The following MEGF11 variants were observed in gnomAD, a reference collection of about 807,000 sequenced individuals.
MEGF11 encodes multiple epidermal growth factor-like domains protein 11.
MEGF11 carries 126 observed loss-of-function variants against 146.6 expected under a neutral mutation model. That is an observed-to-expected ratio of 0.86 (90% CI 0.74 to 1.00). The LOEUF (loss-of-function observed/expected upper bound fraction) is 1.00. Ranked by LOEUF, MEGF11 falls within the 50% of genes least tolerant of loss-of-function variation. MEGF11 has a pLI of 0.00. For missense variants in MEGF11, 1,509 were observed against 1,521.2 expected (o/e 0.99, Z 0.13); for synonymous variants, 532 against 583.4 (o/e 0.91, Z 1.27).
intron 1 of MEGF11, among the ~76,000 whole-genome samples, chr15:66,144,051 G>C (rs1006307899): frequency 6.6e-6 from 1 of 152,110 alleles, no homozygotes; most frequent in Non-Finnish European, 1.5e-5. Flanking sequence ...CTCCAGGTGG[G>C]GATATAGGGA....
intron 1 of MEGF11, among the ~76,000 whole-genome samples, chr15:66,233,933 C>CTTTTTT (rs796578908): frequency 7.6e-6 from 1 of 131,764 alleles, no homozygotes; most frequent in East Asian, 2.3e-4. Flanking sequence ...ATTGTCATTT[C>CTTTTTT]TTTTTTTTTT....
chr15:66,206,595 T>A (rs561061743), intron 1 of MEGF11, among the ~76,000 whole-genome samples: 1 of 152,134 alleles, frequency 6.6e-6, no homozygotes, highest in Admixed American at 6.5e-5. Context: ...AAAAGTACAA[T>A]AACCAGAATA....
intron 18 of MEGF11, 145 bp from the exon 19 acceptor site, chr15:65,915,743 G>A (rs1476458554): frequency 9.5e-7 from 1 of 1,055,260 alleles, no homozygotes; most frequent in Non-Finnish European, 1.4e-6. Context: ...AGCATTTATA[G>A]CACTGAGTGG....
intron 1 of MEGF11, among the ~76,000 whole-genome samples, chr15:66,208,623 T>A (rs114736873): frequency 0.02 from 3,112 of 152,122 alleles, 97 homozygotes; most frequent in African/African-American, 0.071. Flanking sequence ...AGCTCATGCC[T>A]GTAATCTCAG....
chr15:65,995,593 A>G (rs903318140), intron 5 of MEGF11, among the ~76,000 whole-genome samples: 1 of 152,242 alleles, frequency 6.6e-6, no homozygotes, highest in African/African-American at 2.4e-5. Context: ...GGCGCAGGTC[A>G]GAGGAGAGCT....
chr15:65,934,209 C>T (rs1404552883), intron 10 of MEGF11, among the ~76,000 whole-genome samples: 1 of 152,192 alleles, frequency 6.6e-6, no homozygotes, highest in African/African-American at 2.4e-5. Flanking sequence ...CCAAGCAACT[C>T]CTGGAATCCT....
chr15:65,914,650 C>G (rs933942680), intron 19 of MEGF11, among the ~76,000 whole-genome samples: 15 of 152,316 alleles, frequency 9.8e-5, no homozygotes, highest in African/African-American at 3.4e-4. Flanking sequence ...GTCTAGACTT[C>G]TCCTTGACTG....
chr15:66,053,690 C>G (rs990661372), intron 5 of MEGF11, among the ~76,000 whole-genome samples: 11 of 146,074 alleles, frequency 7.5e-5, no homozygotes, highest in Non-Finnish European at 1.3e-4. Flanking sequence ...AGGGCCAGGA[C>G]TCAGCTCCCC....
rs572044553 is a variant in MEGF11 at position 66,107,962 on chromosome 15, G to A, written c.301+11124C>T. ...AAGGGGCTGCAATCAAGACAGGGCC[G>A]GGGCTGGGTAGGGAGGTGTCGAGTG... On this transcript the variant is annotated intron_variant, in intron 4 of 25. Coordinates refer to ENST00000395614, the MANE Select transcript of MEGF11 (RefSeq NM_001385028.1). Among the ~76,000 whole-genome samples, 23 of 146,102 alleles carry A rather than the reference G, an allele frequency of 1.6e-4. No individual in the cohort carries two copies. In the East Asian group the frequency reaches 3.7e-3, roughly 23 times the overall value.
intron 10 of MEGF11, among the ~76,000 whole-genome samples, chr15:65,956,318 C>A (rs529422191): frequency 5.7e-4 from 87 of 152,334 alleles, no homozygotes; most frequent in Non-Finnish European, 1.0e-3. Flanking sequence ...CCCAGACTGA[C>A]TGAATCAGAA....
rs567929065 is a variant in MEGF11 at position 66,225,701 on chromosome 15, C to A, written c.-9+27904G>T. 3.9e-5 allele frequency among the ~76,000 whole-genome samples: 6 copies of A among 152,234 alleles called. No individual in the cohort carries two copies. In the South Asian group the frequency reaches 1.2e-3, roughly 32 times the overall value. Reference sequence around the variant, plus strand: ...ATATACAATCATAGACACATGCACACAACCCCATGCACTCACACACACACG... The same window carrying A: ...ATATACAATCATAGACACATGCACAAAACCCCATGCACTCACACACACACG... On this transcript the variant is annotated intron_variant, in intron 1 of 25. Coordinates refer to ENST00000395614, the MANE Select transcript of MEGF11 (RefSeq NM_001385028.1).
intron 9 of MEGF11, among the ~76,000 whole-genome samples, chr15:65,961,497 C>T (rs182604217): frequency 1.3e-5 from 2 of 152,084 alleles, no homozygotes; most frequent in Admixed American, 1.3e-4. Context: ...TATGACAACC[C>T]AATTGTGGAG....
chr15:66,222,353 C>T (rs1255015340), intron 1 of MEGF11, among the ~76,000 whole-genome samples: 1 of 152,168 alleles, frequency 6.6e-6, no homozygotes, highest in Non-Finnish European at 1.5e-5. Context: ...AATTCTTCCA[C>T]TCAAAAGGCC....
chr15:65,918,166 C>T (rs1263004546), intron 15 of MEGF11, 72 bp from the exon 16 acceptor site: 1 of 1,589,896 alleles, frequency 6.3e-7, no homozygotes, highest in East Asian at 2.2e-5. Flanking sequence ...CAGCCTCATC[C>T]CTAGAAGTTC....
intron 5 of MEGF11, among the ~76,000 whole-genome samples, chr15:66,006,599 C>G (rs766281471): frequency 5.3e-5 from 8 of 152,216 alleles, no homozygotes; most frequent in Non-Finnish European, 1.0e-4. Flanking sequence ...GTTGAGCTCC[C>G]TGCTCTGGCC....
At chr15:66,212,386 A>C (rs571037665) in intron 1 of MEGF11, among the ~76,000 whole-genome samples, 10 of 152,146 alleles carry the variant, frequency 6.6e-5, no homozygotes, top group South Asian at 4.2e-4. Context: ...CCCCATCAGC[A>C]CAAGCTGGGT....
At chr15:66,240,265 C>A (rs568494524) in intron 1 of MEGF11, among the ~76,000 whole-genome samples, 6 of 152,330 alleles carry the variant, frequency 3.9e-5, no homozygotes, top group African/African-American at 1.4e-4. Context: ...TGAGATCTTG[C>A]CAACCCTGGA....
At chr15:65,929,127 G>A (rs774351602) in intron 12 of MEGF11, among the ~76,000 whole-genome samples, 37 of 152,174 alleles carry the variant, frequency 2.4e-4, no homozygotes, top group Non-Finnish European at 4.1e-4. Flanking sequence ...ATGTGACAAA[G>A]CCAAGATTTG....
intron 1 of MEGF11, among the ~76,000 whole-genome samples, chr15:66,157,411 T>C (rs2089799884): frequency 6.6e-6 from 1 of 152,182 alleles, no homozygotes; most frequent in Non-Finnish European, 1.5e-5. Context: ...ACACACCCCA[T>C]GTCACGGCAG....
Sources: gnomAD v4.1 joint callset for allele counts (sites outside exome capture counted in the v4.1 genomes callset) on GRCh38, gnomAD v4.1.1 for gene constraint, MANE v1.5 for transcripts, NCBI Gene and HGNC (gene_info 2026-07-23, HGNC 2026-07-21) for gene names.